The following PDCD6 variants were observed in gnomAD, a reference collection of about 807,000 sequenced individuals.
The protein encoded by PDCD6 is programmed cell death 6, also known as programmed cell death protein 6.
In PDCD6, 12 loss-of-function variants were observed where a neutral mutation model predicts 28.3. That is an observed-to-expected ratio of 0.42 (90% CI 0.27 to 0.69). The LOEUF is 0.69. PDCD6 is among the 30% of genes least tolerant of loss of function. PDCD6 has a pLI of 0.22. For missense variants in PDCD6, 226 were observed against 269.9 expected (o/e 0.84, Z 1.14); for synonymous variants, 92 against 108.0 (o/e 0.85, Z 0.92).
chr5:305,838 CAT>C lies in PDCD6; in HGVS notation c.209-763_209-762del, dbSNP rs1233429428. On this transcript the variant is annotated intron_variant, in intron 3 of 5. Coordinates refer to ENST00000264933, the MANE Select transcript of PDCD6 (RefSeq NM_013232.4). This position sits in a 1 kb window ranked among gnomAD's most constrained non-coding sequence, Gnocchi z 4.0. ...GAAGAAACATCGATGCTGTTTCTCA[CAT>C]GATTTTTCATCCTGTGGATTTTCAT... 1 of 152,270 alleles carries C rather than the reference CAT, an allele frequency of 6.6e-6. No individual in the cohort carries two copies. The highest frequency in any genetic ancestry group is 1.5e-5 in the Non-Finnish European group (1 of 68,064). 9.4% of individuals were successfully genotyped at this position (152,270 alleles called of 1,614,324 possible). A position where few individuals can be genotyped will look rare whatever the true frequency, so the allele number is the denominator to read the frequency against.
At chr5:275,092 C>G (rs773204611) in intron 2 of PDCD6, among the ~76,000 whole-genome samples, 1 of 152,102 alleles carries the variant, frequency 6.6e-6, no homozygotes, top group African/African-American at 2.4e-5. Context: ...GGATGAAGCC[C>G]CACCGCCCTT....
chr5:295,892 CTATA>C (rs1459439705), intron 2 of PDCD6, among the ~76,000 whole-genome samples: 1 of 150,806 alleles, frequency 6.6e-6, no homozygotes. Context: ...TCCTGACTGA[CTATA>C]TAGCAGGGAA....
rs1233702405 is a variant in PDCD6, at chr5:314,460, G to T, written c.521G>T (p.Gly174Val). The T allele has an allele frequency of 1.9e-6, 3 of 1,613,880 alleles. No individual in the cohort carries two copies. In the East Asian group the frequency reaches 6.7e-5, roughly 36 times the overall value. ...IFRRYDTDQDGWIQVSYEQYL... is the reference protein window; with the variant it reads ...IFRRYDTDQDVWIQVSYEQYL... The stretch of plus-strand genomic sequence containing the variant: ...AGACGTTACGACACGGATCAGGACG[G>T]CTGGATTCAGGTGTCGTACGAACAG... The change falls in exon 6 of 6, where the codon GGC becomes GTC. Residue 174 changes from glycine (G) to valine (V), a missense_variant. By Grantham distance (109) the Gly-to-Val change is moderately radical. This residue lies in a region of PDCD6 where 151 missense variants were observed against 177.2 expected (regional missense o/e 0.85). Coordinates refer to ENST00000264933, the MANE Select transcript of PDCD6 (RefSeq NM_013232.4).
At chr5:308,981 A>C (rs3756712) in intron 4 of PDCD6, 76,485 of 154,778 alleles carry the variant, frequency 0.49, 21,156 homozygotes, top group Non-Finnish European at 0.63. Context: ...GGTTGCTGTA[A>C]ACAGCCGGTG....
intron 3 of PDCD6, chr5:306,304 G>A (rs1341586925): frequency 9.2e-6 from 3 of 325,430 alleles, no homozygotes; most frequent in East Asian, 1.1e-4. Context: ...TCGTGGCTGC[G>A]GCTGGATTTC....
rs1488174861 is a variant in PDCD6 at position 303,296 on chromosome 5, A to AT, written c.164-880dup. On this transcript the variant is annotated intron_variant, in intron 2 of 5. Coordinates refer to ENST00000264933, the MANE Select transcript of PDCD6 (RefSeq NM_013232.4). ...GCCCAGGACTGTGGCATTTTTGTGC[A>AT]TAAAAAAAAAAAAAAACTGTGTGTC... 1.4e-4 allele frequency among the ~76,000 whole-genome samples: 19 copies of AT among 134,054 alleles called. No individual in the cohort carries two copies. The East Asian group carries it at 3.8e-3, about 26-fold the overall frequency. 87.9% of individuals were successfully genotyped at this position (134,054 alleles called of 152,430 possible).
rs376863067 is a variant in PDCD6, at chr5:314,163, TCAGGGGCTCAGC to T, written c.478-236_478-225del. Among the ~76,000 whole-genome samples the T allele has an allele frequency of 3.7e-3, 568 of 152,200 alleles. 1 individual carries two copies. Among genetic ancestry groups the T allele is most frequent in the African/African-American group, 0.012 (519 of 41,540 alleles). On this transcript the variant is annotated intron_variant, in intron 5 of 5. Coordinates refer to ENST00000264933, the MANE Select transcript of PDCD6 (RefSeq NM_013232.4). ...AGACTCAGGAGACCAGAGCCTGGGG[TCAGGGGCTCAGC>T]CAGGGGCTCAGCCAGGGCTGGATGT... is the stretch of plus-strand genomic sequence containing the variant.
intron 2 of PDCD6, among the ~76,000 whole-genome samples, chr5:275,847 C>T (rs971830866): frequency 1.4e-4 from 22 of 152,212 alleles, no homozygotes; most frequent in African/African-American, 5.1e-4. Flanking sequence ...TGGTGGTTTG[C>T]TCCTCACATG....
rs1380661715 is a variant in PDCD6, at chr5:305,526, T to C, written c.209-1076T>C. 5 of 152,122 alleles carry C rather than the reference T, an allele frequency of 3.3e-5. No individual in the cohort carries two copies. Among genetic ancestry groups the C allele is most frequent in the Non-Finnish European group, 7.4e-5 (5 of 68,016 alleles). The allele number at this position is 152,122 out of a possible 1,614,324, so 9.4% of individuals were successfully genotyped here. On this transcript the variant is annotated intron_variant, in intron 3 of 5. Transcript: ENST00000264933. The surrounding 1 kb of genome is among the most constrained non-coding windows in gnomAD (Gnocchi z 4.0). ...CCTTTAGTGCTAGAAAAGGTGTTGATACATGGGGAGCTACCTCCCCACCGG... is the reference window on the plus strand; with the variant it reads ...CCTTTAGTGCTAGAAAAGGTGTTGACACATGGGGAGCTACCTCCCCACCGG...
intron 2 of PDCD6, among the ~76,000 whole-genome samples, chr5:288,282 AAT>A (rs1554006382): frequency 1.7e-5 from 2 of 117,886 alleles, no homozygotes; most frequent in Non-Finnish European, 3.5e-5. Context: ...CCCTTAAAAT[AAT>A]ATATATATTA....
At chr5:310,834 GC>G (rs11296417) in intron 4 of PDCD6, 12,772 of 163,044 alleles carry the variant, frequency 0.078, 1,733 homozygotes, top group African/African-American at 0.28. Flanking sequence ...AGTTTTCAAA[GC>G]ATTATCTGGT....
chr5:290,377 G>A lies in PDCD6; in HGVS notation c.164-13800G>A, dbSNP rs987866980. The A allele has an allele frequency of 5.2e-4, 470 of 908,272 alleles. 3 individuals carry two copies. Among genetic ancestry groups the A allele is most frequent in the Non-Finnish European group, 3.1e-4 (176 of 560,392 alleles). 56.3% of individuals were successfully genotyped at this position (908,272 alleles called of 1,614,324 possible). Reference sequence around the variant, plus strand: ...TCCCTCCGCAGGTCTCTTGGGGACCGGAATGCCTCCCCCCACCCCCCGACG... The same window carrying A: ...TCCCTCCGCAGGTCTCTTGGGGACCAGAATGCCTCCCCCCACCCCCCGACG... On this transcript the variant is annotated intron_variant, in intron 2 of 5. Transcript: ENST00000264933.
chr5:277,186 C>T (rs893349474), intron 2 of PDCD6, among the ~76,000 whole-genome samples: 2 of 152,092 alleles, frequency 1.3e-5, no homozygotes, highest in African/African-American at 4.8e-5. Flanking sequence ...AGTGCAGTGG[C>T]ACGCTCTTGG....
At chr5:276,485 G>C (rs1484191421) in intron 2 of PDCD6, 3 of 982,394 alleles carry the variant, frequency 3.1e-6, no homozygotes, top group Non-Finnish European at 3.6e-6. Context: ...AAAAAAATTA[G>C]AGATGGAGTC....
At chr5:289,371 T>C (rs1739178304) in intron 2 of PDCD6, 1 of 586,832 alleles carries the variant, frequency 1.7e-6, no homozygotes, top group African/African-American at 1.9e-5. Flanking sequence ...AATTTGAGGA[T>C]CTTCTTACTC....
chr5:297,219 G>A (rs545283704), intron 2 of PDCD6, among the ~76,000 whole-genome samples: 19 of 152,376 alleles, frequency 1.2e-4, no homozygotes, highest in African/African-American at 4.6e-4. Flanking sequence ...CTGAACTTCT[G>A]CGTGTTGCAG....
chr5:275,810 A>C (rs2126681203), intron 2 of PDCD6, among the ~76,000 whole-genome samples: 1 of 152,284 alleles, frequency 6.6e-6, no homozygotes, highest in Non-Finnish European at 1.5e-5. Flanking sequence ...AGCCTGATTT[A>C]GTACACCGTG....
rs1740454193 is a variant in PDCD6 at position 305,977 on chromosome 5, T to A, written c.209-625T>A. 6.5e-6 allele frequency: 1 copy of A among 153,856 alleles called. No individual in the cohort carries two copies. The highest frequency in any genetic ancestry group is 1.9e-4 in the East Asian group (1 of 5,228). The allele number at this position is 153,856 out of a possible 1,614,324, so 9.5% of individuals were successfully genotyped here. On this transcript the variant is annotated intron_variant, in intron 3 of 5. Transcript: ENST00000264933. This position sits in a 1 kb window ranked among gnomAD's most constrained non-coding sequence, Gnocchi z 4.0. ...TTTATCATTTTCTCTGCAGCAGTAA[T>A]TCACACTGAATTTTTCTATGTTTTT...
intron 5 of PDCD6, among the ~76,000 whole-genome samples, chr5:313,263 G>A (rs531467388): frequency 1.3e-5 from 2 of 152,340 alleles, no homozygotes; most frequent in African/African-American, 2.4e-5. Flanking sequence ...AAAGGATAAA[G>A]GCTTTTTGAA....
Sources: allele counts gnomAD v4.1 joint callset (sites outside exome capture counted in the v4.1 genomes callset), GRCh38; gene constraint gnomAD v4.1.1; regional missense constraint gnomAD v4.1.1; non-coding constraint Gnocchi (gnomAD v3.1); transcripts MANE v1.5; gene names NCBI Gene and HGNC (gene_info 2026-07-23, HGNC 2026-07-21).